The following FOCAD variants were observed in gnomAD, a reference collection of about 807,000 sequenced individuals.
The protein encoded by FOCAD is KIAA1797.
FOCAD carries 198 observed loss-of-function variants against 225.6 expected under a neutral mutation model. That is an observed-to-expected ratio of 0.88 (90% CI 0.78 to 0.99). The LOEUF (loss-of-function observed/expected upper bound fraction) is 0.99. Among genes scored for constraint, FOCAD ranks in the 50% least tolerant of loss-of-function variants. The pLI is 0.00. For synonymous variants in FOCAD, 897 were observed against 755.0 expected, an observed-to-expected ratio of 1.19 and a Z score of -3.08; for missense variants, 2,713 against 2,123.6, an observed-to-expected ratio of 1.28 and a Z score of -5.46.
chr9:20,948,474 C>T, intron 31 of FOCAD, 81 bp downstream of exon 31: 1 of 1,459,986 alleles, frequency 6.8e-7, no homozygotes, highest in Non-Finnish European at 9.3e-7. Context: ...ATAGGAGTTG[C>T]TGAGATATAT....
At chr9:20,950,896 C>G in intron 33 of FOCAD, 100 bp from the exon 34 acceptor site, 1 of 980,220 alleles carries the variant, frequency 1.0e-6, no homozygotes. Context: ...CCAGCCAAGC[C>G]ACCACCTCCT....
intron 1 of FOCAD, among the ~76,000 whole-genome samples, chr9:20,704,558 A>T (rs1220099068): frequency 6.6e-6 from 1 of 152,180 alleles, no homozygotes; most frequent in Non-Finnish European, 1.5e-5. Context: ...GGGAAATTAT[A>T]ATAGTTATTT....
chr9:20,713,254 A>G (rs1345458265), intron 1 of FOCAD, among the ~76,000 whole-genome samples: 1 of 152,044 alleles, frequency 6.6e-6, no homozygotes, highest in Non-Finnish European at 1.5e-5. Flanking sequence ...GACCTGATTT[A>G]CCATTCTTTT....
At chr9:20,869,191 GACATTACTCTGC>G (rs1829549370) in intron 18 of FOCAD, among the ~76,000 whole-genome samples, 1 of 152,100 alleles carries the variant, frequency 6.6e-6, no homozygotes, top group South Asian at 2.1e-4. Flanking sequence ...TTTGTTGACA[GACATTACTCTGC>G]ACTAAGGGCA....
At position 20,717,820 on chromosome 9, in the gene FOCAD, C is replaced by A; in HGVS notation, c.84C>A (p.Val28=). Residue 28 remains valine, a synonymous_variant, in exon 3 of 44, where the codon GTC becomes GTA. Coordinates refer to ENST00000338382, the MANE Select transcript of FOCAD (RefSeq NM_001375567.1). The stretch of plus-strand genomic sequence containing the variant: ...CTGTGGGTCATCTTATTGCTGCAGT[C>A]CTAAAGGAAAATGGTTTTTCAGAAA... ...SQAVGHLIAA[V]LKENGFSEKI... is the part of the protein sequence containing the mutation. 6.2e-7 allele frequency: 1 copy of A among 1,612,408 alleles called. No individual in the cohort carries two copies. Among genetic ancestry groups the A allele is most frequent in the South Asian group, 1.1e-5 (1 of 91,012 alleles).
At chr9:20,694,714 A>G (rs1037962816) in intron 1 of FOCAD, 1 of 152,202 alleles carries the variant, frequency 6.6e-6, no homozygotes, top group Admixed American at 6.5e-5. Flanking sequence ...CAACATCAAC[A>G]TTTTGTCAAT....
upstream of FOCAD, among the ~76,000 whole-genome samples, chr9:20,681,954 G>A (rs544997990): frequency 5.1e-4 from 77 of 152,262 alleles, 2 homozygotes; most frequent in South Asian, 0.016. Flanking sequence ...ACATGTTTGT[G>A]TCCCCCAAAG....
intron 4 of FOCAD, among the ~76,000 whole-genome samples, chr9:20,724,473 TATCTG>T (rs975490965): frequency 2.0e-5 from 3 of 152,194 alleles, no homozygotes; most frequent in Non-Finnish European, 4.4e-5. Flanking sequence ...CAAGATTTCT[TATCTG>T]AGAATGTTCA....
chr9:20,671,631 AAAG>A (rs1217965935), intron 2 of FOCAD, among the ~76,000 whole-genome samples: 4 of 152,232 alleles, frequency 2.6e-5, no homozygotes, highest in Non-Finnish European at 5.9e-5. Flanking sequence ...GAGAGATTAA[AAAG>A]AAGAAAGAAT....
In FOCAD at chr9:20,764,851, GT is replaced by G; in HGVS notation, c.495-17del. Reference sequence around the variant, plus strand: ...GTGTTTAACTCAATAACTGGCTAATGTATTTCATGTCTTATAGGTTAGAAGT... The same window carrying G: ...GTGTTTAACTCAATAACTGGCTAATGATTTCATGTCTTATAGGTTAGAAGT... On this transcript the variant is annotated splice_polypyrimidine_tract_variant and intron_variant, in intron 6 of 43. Transcript: ENST00000338382. The G allele has an allele frequency of 6.2e-7, 1 of 1,600,384 alleles. No homozygotes were observed. The highest frequency in any genetic ancestry group is 8.6e-7 in the Non-Finnish European group (1 of 1,169,220).
intron 15 of FOCAD, among the ~76,000 whole-genome samples, chr9:20,855,352 G>A (rs1156683254): frequency 6.6e-6 from 1 of 151,468 alleles, no homozygotes; most frequent in Non-Finnish European, 1.5e-5. Flanking sequence ...AGGAATAGAT[G>A]GAAGGCAGAT....
intron 21 of FOCAD, among the ~76,000 whole-genome samples, chr9:20,898,161 T>C (rs983399115): frequency 6.6e-6 from 1 of 151,816 alleles, no homozygotes; most frequent in African/African-American, 2.4e-5. Context: ...TTTCAGAATT[T>C]AAAAAAATCA....
intron 11 of FOCAD, among the ~76,000 whole-genome samples, chr9:20,815,123 G>GTTTTTTTTTTTTTGT (rs1366091084): frequency 2.3e-5 from 2 of 85,388 alleles, no homozygotes; most frequent in African/African-American, 9.3e-5. Context: ...ACTTCTCTTT[G>GTTTTTTTTTTTTTGT]TTTTTTTTTT....
chr9:20,984,879 C>T (rs1422872839), intron 39 of FOCAD, among the ~76,000 whole-genome samples: 1 of 152,246 alleles, frequency 6.6e-6, no homozygotes, highest in Non-Finnish European at 1.5e-5. Context: ...CAACTCACTG[C>T]AACCTCCGTC....
At chr9:20,938,495 C>T (rs914415987) in intron 28 of FOCAD, among the ~76,000 whole-genome samples, 8 of 151,860 alleles carry the variant, frequency 5.3e-5, no homozygotes, top group Non-Finnish European at 7.4e-5. Context: ...AACCAAACAC[C>T]ACATGTTCTC....
intron 11 of FOCAD, among the ~76,000 whole-genome samples, chr9:20,800,792 G>T (rs1821728169): frequency 6.6e-6 from 1 of 151,934 alleles, no homozygotes; most frequent in South Asian, 2.1e-4. Context: ...CATGGGTTCA[G>T]ACTTCCTCCT....
chr9:20,792,925 G>A (rs1221139703), intron 11 of FOCAD, among the ~76,000 whole-genome samples: 1 of 152,168 alleles, frequency 6.6e-6, no homozygotes, highest in African/African-American at 2.4e-5. Flanking sequence ...AAATGAATAG[G>A]AAATGTGTGA....
At chr9:20,661,238 A>G (rs981260160) in intron 2 of FOCAD, among the ~76,000 whole-genome samples, 9 of 152,218 alleles carry the variant, frequency 5.9e-5, no homozygotes, top group Non-Finnish European at 1.2e-4. Flanking sequence ...ACCAAAGACT[A>G]GTAAAAGGAC....
intron 37 of FOCAD, among the ~76,000 whole-genome samples, chr9:20,980,888 C>G (rs754890182): frequency 1.3e-5 from 2 of 152,094 alleles, no homozygotes; most frequent in Non-Finnish European, 2.9e-5. Flanking sequence ...CTCTAAGGTG[C>G]CTGGTCAGTT....
Sources: allele counts gnomAD v4.1 joint callset (sites outside exome capture counted in the v4.1 genomes callset), GRCh38; gene constraint gnomAD v4.1.1; transcripts MANE v1.5; gene names NCBI Gene and HGNC (gene_info 2026-07-23, HGNC 2026-07-21).